ZFHX4: variants seen among roughly 807,000 people sequenced by gnomAD.
ZFHX4 encodes the protein zinc finger homeobox protein 4.
A neutral mutation model predicts 267.6 loss-of-function variants in ZFHX4; 56 were observed. The observed-to-expected ratio is 0.21, with a 90% CI of 0.17 to 0.26. The LOEUF (loss-of-function observed/expected upper bound fraction) is 0.26. Ranked by LOEUF, ZFHX4 falls within the 10% of genes least tolerant of loss-of-function variation. The pLI, the probability that ZFHX4 is intolerant of heterozygous loss-of-function variation, is 1.00. For synonymous variants in ZFHX4, 1,778 were observed against 1,665.6 expected (o/e 1.07, Z -1.64); for missense variants, 4,332 against 4,420.0 (o/e 0.98, Z 0.56).
chr8:76,734,387 C>T (rs1319615280), intron 3 of ZFHX4, among the ~76,000 whole-genome samples: 1 of 152,056 alleles, frequency 6.6e-6, no homozygotes. Context: ...AAAGTAATTC[C>T]CACACAGGCA....
chr8:76,692,347 G>T (rs1807846165), intron 1 of ZFHX4, among the ~76,000 whole-genome samples: 1 of 152,010 alleles, frequency 6.6e-6, no homozygotes, highest in Non-Finnish European at 1.5e-5. Flanking sequence ...TTATGTACTT[G>T]CTATTAATGA....
chr8:76,705,038 G>A lies in ZFHX4; in HGVS notation c.950G>A (p.Cys317Tyr). ...DEEQKLLSNK[C>Y]VSAIIQGIGK... ...GAGCAGAAGCTCCTCAGTAATAAAT[G>A]CGTCTCCGCCATAATACAGGGGATT... The change falls in exon 2 of 11, where the codon TGC becomes TAC. Residue 317 changes from cysteine to tyrosine, a missense_variant. Physicochemically the swap from Cys to Tyr is radical, Grantham distance 194 (BLOSUM62 -2). Transcript: ENST00000651372. 1.2e-6 allele frequency: 2 copies of A among 1,613,940 alleles called. No individual in the cohort carries two copies. The highest frequency in any genetic ancestry group is 1.7e-6 in the Non-Finnish European group (2 of 1,179,884).
At position 76,698,948 on chromosome 8, in the gene ZFHX4, A is replaced by G. The variant is rs569445288; in HGVS notation, c.-46-5095A>G. Among the ~76,000 whole-genome samples the G allele has an allele frequency of 2.0e-5, 3 of 152,204 alleles. No homozygotes were observed. The East Asian group carries it at 5.8e-4, about 29-fold the overall frequency. On this transcript the variant is annotated intron_variant, in intron 1 of 10. Coordinates refer to ENST00000651372, the MANE Select transcript of ZFHX4 (RefSeq NM_024721.5). ...AGAAGCATTTTCTCTCGTGCTGGGA[A>G]GGTAGGAGGGTGTAACAGAAGAGCC...
intron 1 of ZFHX4, among the ~76,000 whole-genome samples, chr8:76,694,628 T>C (rs1807906208): frequency 6.6e-6 from 1 of 151,136 alleles, no homozygotes; most frequent in Non-Finnish European, 1.5e-5. Context: ...ATCATTTAGT[T>C]AATGTTAGTC....
intron 3 of ZFHX4, among the ~76,000 whole-genome samples, chr8:76,712,375 G>T (rs1808448620): frequency 6.6e-6 from 1 of 152,024 alleles, no homozygotes; most frequent in Non-Finnish European, 1.5e-5. Flanking sequence ...GGAATAATTA[G>T]GTTCATCTAC....
In ZFHX4 at chr8:76,704,233, G is replaced by A. The variant is rs1441265321; in HGVS notation, c.145G>A (p.Asp49Asn). 5 of 1,614,028 alleles carry A rather than the reference G, an allele frequency of 3.1e-6. No homozygotes were observed. The highest frequency in any genetic ancestry group is 1.7e-5 in the Admixed American group (1 of 60,030). Residue 49 changes from aspartate to asparagine, a missense_variant, in exon 2 of 11, where the codon GAC becomes AAC. Physicochemically the swap from Asp to Asn is conservative, Grantham distance 23 (BLOSUM62 1). Coordinates refer to ENST00000651372, the MANE Select transcript of ZFHX4 (RefSeq NM_024721.5). ...TGACAGGGAAAACAGCTCCACAGAT[G>A]ACAACCTGAAAACGGATGAGCGCAA... ...EPDRENSSTDDNLKTDERKSE... is the reference protein window; with the variant it reads ...EPDRENSSTDNNLKTDERKSE...
chr8:76,804,608 G>A (rs930595500), intron 4 of ZFHX4, among the ~76,000 whole-genome samples: 21 of 152,066 alleles, frequency 1.4e-4, no homozygotes, highest in African/African-American at 5.1e-4. Flanking sequence ...GGAAATGTGA[G>A]TTTGCAGAAT....
At chr8:76,829,933 A>G (rs1437141479) in intron 4 of ZFHX4, among the ~76,000 whole-genome samples, 1 of 152,194 alleles carries the variant, frequency 6.6e-6, no homozygotes, top group Non-Finnish European at 1.5e-5. Flanking sequence ...CGAGAATGAC[A>G]AAAATGAACG....
At chr8:76,833,216 C>T in intron 4 of ZFHX4, 122 bp from the exon 5 acceptor site, 3 of 690,010 alleles carry the variant, frequency 4.3e-6, no homozygotes, top group South Asian at 1.7e-5. Context: ...TGGAGACTCA[C>T]CTGAGCTTCA....
At chr8:76,724,357 TGA>T (rs1563485648) in intron 3 of ZFHX4, among the ~76,000 whole-genome samples, 1 of 152,036 alleles carries the variant, frequency 6.6e-6, no homozygotes, top group Non-Finnish European at 1.5e-5. Context: ...CTCTTCTCTG[TGA>T]GTCTTCTCCT....
chr8:76,687,615 C>T (rs1807723986), intron 1 of ZFHX4, among the ~76,000 whole-genome samples: 1 of 152,136 alleles, frequency 6.6e-6, no homozygotes, highest in South Asian at 2.1e-4. Context: ...CTTATTCTCC[C>T]TTTTCCACCC....
intron 3 of ZFHX4, among the ~76,000 whole-genome samples, chr8:76,741,537 T>C (rs574355663): frequency 2.6e-5 from 4 of 152,132 alleles, no homozygotes; most frequent in Non-Finnish European, 5.9e-5. Flanking sequence ...ACAACTAGAA[T>C]GAGTTATTAA....
Position 76,854,356 on chromosome 8 carries a change from A to G in ZFHX4, c.7435A>G (p.Met2479Val). 5.0e-6 allele frequency: 8 copies of G among 1,613,794 alleles called. No individual in the cohort carries two copies. The highest frequency in any genetic ancestry group is 6.8e-6 in the Non-Finnish European group (8 of 1,179,842). Residue 2479 changes from methionine to valine, a missense_variant, in exon 10 of 11, where the codon ATG (methionine) becomes GTG (valine). Physicochemically the swap from Met to Val is conservative, Grantham distance 21 (BLOSUM62 1). This residue lies in a region of ZFHX4 where 1,648 missense variants were observed against 1,625.0 expected (regional missense o/e 1.01). Transcript: ENST00000651372. ...CCCTTCCAGTCCACTGCAAATTTCCATGACGTCTCTCCAGAACAGTCTACC... is the reference window on the plus strand; with the variant it reads ...CCCTTCCAGTCCACTGCAAATTTCCGTGACGTCTCTCCAGAACAGTCTACC... ...PVPSSPLQIS[M>V]TSLQNSLPPQ...
At chr8:76,773,729 A>T (rs938928905) in intron 3 of ZFHX4, among the ~76,000 whole-genome samples, 5 of 152,184 alleles carry the variant, frequency 3.3e-5, no homozygotes, top group African/African-American at 1.2e-4. Flanking sequence ...ACTTTCTTAA[A>T]TCAATTGAGT....
At chr8:76,781,451 C>T (rs982725662) in intron 4 of ZFHX4, among the ~76,000 whole-genome samples, 2 of 151,852 alleles carry the variant, frequency 1.3e-5, no homozygotes, top group Non-Finnish European at 2.9e-5. Flanking sequence ...TTCAAAACGA[C>T]AAAACAACCA....
At chr8:76,731,856 C>A (rs1047035407) in intron 3 of ZFHX4, among the ~76,000 whole-genome samples, 1 of 143,828 alleles carries the variant, frequency 7.0e-6, no homozygotes, top group Non-Finnish European at 1.5e-5. Context: ...TGGTGCCACA[C>A]ATTATTATTA....
Position 76,707,924 on chromosome 8 carries a change from G to T in ZFHX4, c.2969G>T (p.Cys990Phe). The change falls in exon 3 of 11, where the codon TGT becomes TTT. Residue 990 changes from cysteine to phenylalanine, a missense_variant. Cys to Phe is a radical substitution (Grantham distance 205). Transcript: ENST00000651372. ...GGKSNEWRLK[C>F]IAIGNPVHLK... ...AAAAGCAATGAGTGGAGGTTGAAGTGTATTGCCATTGGCAACCCTGTTCAC... is the reference window on the plus strand; with the variant it reads ...AAAAGCAATGAGTGGAGGTTGAAGTTTATTGCCATTGGCAACCCTGTTCAC... 2 of 1,614,076 alleles carry T rather than the reference G, an allele frequency of 1.2e-6. No homozygotes were observed. Among genetic ancestry groups the T allele is most frequent in the Non-Finnish European group, 1.7e-6 (2 of 1,179,930 alleles).
chr8:76,825,990 A>T (rs1811775474), intron 4 of ZFHX4, among the ~76,000 whole-genome samples: 2 of 152,090 alleles, frequency 1.3e-5, no homozygotes, highest in Admixed American at 6.6e-5. Flanking sequence ...TTTTTGCATC[A>T]CTCTGAAGAA....
At chr8:76,759,861 T>C (rs1809864192) in intron 3 of ZFHX4, among the ~76,000 whole-genome samples, 1 of 152,164 alleles carries the variant, frequency 6.6e-6, no homozygotes, top group Non-Finnish European at 1.5e-5. Flanking sequence ...AAATAAATAC[T>C]CTCCATGAGA....
Sources: allele counts gnomAD v4.1 joint callset (sites outside exome capture counted in the v4.1 genomes callset), GRCh38; gene constraint gnomAD v4.1.1; regional missense constraint gnomAD v4.1.1; transcripts MANE v1.5; gene names NCBI Gene and HGNC (gene_info 2026-07-23, HGNC 2026-07-21).